The following CP variants were observed in gnomAD, a reference collection of about 807,000 sequenced individuals.
The protein encoded by CP is caeruloplasmin.
A neutral mutation model predicts 122.4 loss-of-function variants in CP; 64 were observed. That is an observed-to-expected ratio of 0.52 (90% CI 0.43 to 0.64). The LOEUF is 0.64. Among genes scored for constraint, CP ranks in the 30% least tolerant of loss-of-function variants. CP has a pLI of 0.00. For missense variants in CP, 1,167 were observed against 1,284.4 expected (o/e 0.91, Z 1.40); for synonymous variants, 440 against 436.4 (o/e 1.01, Z -0.10).
downstream of CP, chr3:149,167,889 A>T (rs1724585464): frequency 1.3e-6 from 2 of 1,564,534 alleles, no homozygotes; most frequent in Non-Finnish European, 1.8e-6. Flanking sequence ...TTTTCCTAAG[A>T]TAGACTCTGT....
chr3:149,209,982 G>A (rs1274267978), intron 3 of CP, among the ~76,000 whole-genome samples, 185 bp downstream of exon 3: 1 of 152,102 alleles, frequency 6.6e-6, no homozygotes, highest in East Asian at 1.9e-4. Flanking sequence ...CCGTAGGAAT[G>A]CTTGTTCTAT....
intron 3 of CP, 58 bp downstream of exon 3, chr3:149,210,109 A>C: frequency 4.5e-6 from 7 of 1,551,774 alleles, no homozygotes; most frequent in Non-Finnish European, 6.2e-6. Flanking sequence ...TTTAAAAGAC[A>C]AACTGCCCTG....
chr3:149,180,800 T>G (rs1212031404), intron 14 of CP, among the ~76,000 whole-genome samples: 1 of 152,076 alleles, frequency 6.6e-6, no homozygotes, highest in Non-Finnish European at 1.5e-5. Flanking sequence ...AAAATAACAT[T>G]TTCTTCTCTT....
chr3:149,208,084 A>T (rs1430638904), intron 4 of CP, among the ~76,000 whole-genome samples: 3 of 152,202 alleles, frequency 2.0e-5, no homozygotes, highest in Admixed American at 6.5e-5. Flanking sequence ...TAAAAAGTAC[A>T]TAAGAATAGC....
rs749923683 is a variant in CP at position 149,199,799 on chromosome 3, G to T, written c.1414C>A (p.Pro472Thr). 13 of 1,613,998 alleles carry T rather than the reference G, an allele frequency of 8.1e-6. No homozygotes were observed. The highest frequency in any genetic ancestry group is 6.7e-5 in the Admixed American group (4 of 60,010). Residue 472 changes from proline (P) to threonine (T), a missense_variant, in exon 8 of 19, where the codon CCC (proline) becomes ACC (threonine). By Grantham distance (38) the Pro-to-Thr change is conservative. This residue lies in a region of CP where 642 missense variants were observed against 627.3 expected (regional missense o/e 1.02). Transcript: ENST00000264613. ...ACCCCAATCGGCTCAATACTGAGGG[G>T]ATATGCTCCTTTGTTATGGAAGGTT... Reference protein sequence around the residue: ...RVTFHNKGAYPLSIEPIGVRF... With the variant: ...RVTFHNKGAYTLSIEPIGVRF...
At chr3:149,192,338 G>A (rs941760122) in intron 9 of CP, among the ~76,000 whole-genome samples, 6 of 151,940 alleles carry the variant, frequency 3.9e-5, no homozygotes, top group African/African-American at 1.4e-4. Flanking sequence ...TAATCTAATA[G>A]TTGTTTAGAA....
intron 6 of CP, among the ~76,000 whole-genome samples, chr3:149,203,369 T>G (rs1002465892): frequency 6.6e-6 from 1 of 152,178 alleles, no homozygotes; most frequent in Non-Finnish European, 1.5e-5. Flanking sequence ...GTTCAAGTGA[T>G]TCTCATACCT....
At chr3:149,167,293 A>G (rs1724523460) in intron 4 of CP, 2 of 1,388,326 alleles carry the variant, frequency 1.4e-6, no homozygotes, top group Admixed American at 1.9e-5. Flanking sequence ...ATCAGATCTG[A>G]TAACCTCATT....
intron 13 of CP, 137 bp from the exon 14 acceptor site, chr3:149,182,270 G>A: frequency 2.2e-6 from 2 of 925,766 alleles, no homozygotes; most frequent in Non-Finnish European, 3.4e-6. Context: ...TGCGTCCCAG[G>A]GAATTTGGAA....
At chr3:149,185,119 GT>G in intron 12 of CP, 119 bp downstream of exon 12, 1 of 794,420 alleles carries the variant, frequency 1.3e-6, no homozygotes, top group Non-Finnish European at 2.1e-6. Context: ...TGTTGTTGTT[GT>G]TGTTGTTATT....
At chr3:149,171,665 G>T (rs1348119105), downstream of CP, among the ~76,000 whole-genome samples, 6 of 148,478 alleles carry the variant, frequency 4.0e-5, no homozygotes, top group Non-Finnish European at 6.0e-5. Flanking sequence ...TTTTTTCTTT[G>T]AAGTTATAAC....
chr3:149,200,810 A>G (rs1727254556), intron 7 of CP, among the ~76,000 whole-genome samples: 1 of 151,824 alleles, frequency 6.6e-6, no homozygotes, highest in Non-Finnish European at 1.5e-5. Context: ...GCGCCCAGCC[A>G]AGTTGAGTAA....
In CP at chr3:149,173,052, G is replaced by A. The variant is rs1725158208; in HGVS notation, c.*662C>T. 1 of 152,292 alleles carries A rather than the reference G, an allele frequency of 6.6e-6. No individual in the cohort carries two copies. The highest frequency in any genetic ancestry group is 2.4e-5 in the African/African-American group (1 of 41,396). The allele number at this position is 152,292 out of a possible 1,614,324, so 9.4% of individuals were successfully genotyped here. On this transcript the variant is annotated 3_prime_UTR_variant, in exon 19 of 19. Transcript: ENST00000264613. ...TATCCTCTGAATGCAGTTAAGGCTG[G>A]GCAGAAATTCTACTCATGTGACATC...
intron 5 of CP, among the ~76,000 whole-genome samples, chr3:149,163,483 G>A (rs944920542): frequency 3.3e-5 from 5 of 152,146 alleles, no homozygotes; most frequent in Admixed American, 6.5e-5. Context: ...CTTGGGGATT[G>A]TCTTGAGAAT....
intron 9 of CP, among the ~76,000 whole-genome samples, chr3:149,189,763 C>T (rs1369316409): frequency 6.6e-6 from 1 of 152,080 alleles, no homozygotes; most frequent in African/African-American, 2.4e-5. Flanking sequence ...CACCTGTATA[C>T]TGATCGACAG....
chr3:149,168,176 C>A, downstream of CP: 1 of 572,068 alleles, frequency 1.7e-6, no homozygotes, highest in East Asian at 3.0e-5. Flanking sequence ...AGTCACAGAA[C>A]TGATGTTCTT....
downstream of CP, chr3:149,172,199 A>C: frequency 1.2e-6 from 2 of 1,613,570 alleles, no homozygotes; most frequent in Non-Finnish European, 1.7e-6. Context: ...TCTCTATTGC[A>C]GTCGAAAGAA....
At chr3:149,203,980 A>C (rs149234789) in intron 6 of CP, among the ~76,000 whole-genome samples, 8 of 152,306 alleles carry the variant, frequency 5.3e-5, no homozygotes, top group African/African-American at 1.4e-4. Context: ...TAGAGTTAGC[A>C]AGATGAAGTG....
chr3:149,164,672 C>T (rs1268570052), intron 5 of CP, among the ~76,000 whole-genome samples: 1 of 152,158 alleles, frequency 6.6e-6, no homozygotes, highest in Non-Finnish European at 1.5e-5. Flanking sequence ...AGTTTCAAGT[C>T]ACTCTTGAAA....
Sources: gnomAD v4.1 joint callset for allele counts (sites outside exome capture counted in the v4.1 genomes callset) on GRCh38, gnomAD v4.1.1 for gene constraint, gnomAD v4.1.1 regional missense constraint, MANE v1.5 for transcripts, NCBI Gene and HGNC (gene_info 2026-07-23, HGNC 2026-07-21) for gene names.